ZAP70: variants seen among roughly 807,000 people sequenced by gnomAD.
ZAP70 encodes zeta chain of T cell receptor associated protein kinase 70.
In ZAP70, 27 loss-of-function variants were observed where a neutral mutation model predicts 65.8. That is an observed-to-expected ratio of 0.41 (90% CI 0.30 to 0.57). ZAP70 has a LOEUF of 0.57. ZAP70 is among the 20% of genes least tolerant of loss of function. The pLI, the probability that ZAP70 is intolerant of heterozygous loss-of-function variation, is 0.28. For missense variants in ZAP70, 696 were observed against 870.5 expected (o/e 0.80, Z 2.52); for synonymous variants, 363 against 360.8 (o/e 1.01, Z -0.07).
intron 2 of ZAP70, among the ~76,000 whole-genome samples, chr2:97,719,555 G>GGT (rs1204750585): frequency 6.7e-6 from 1 of 148,980 alleles, no homozygotes; most frequent in East Asian, 2.0e-4. Flanking sequence ...GAACAGCCTG[G>GGT]GGGGGGGGCG....
intron 1 of ZAP70, 99 bp from the exon 2 acceptor site, chr2:97,713,817 T>A (rs1019865597): frequency 2.1e-5 from 3 of 144,328 alleles, no homozygotes; most frequent in African/African-American, 7.3e-5. Context: ...CCCCGGGGTG[T>A]GTGCGGAGAG....
downstream of ZAP70, among the ~76,000 whole-genome samples, chr2:97,742,334 A>C (rs1187099167): frequency 6.6e-6 from 1 of 152,238 alleles, no homozygotes; most frequent in African/African-American, 2.4e-5. Flanking sequence ...ACAAATTAGC[A>C]TTTCTCTTGT....
intron 3 of ZAP70, 151 bp downstream of exon 3, chr2:97,724,589 A>T (rs1363965543): frequency 1.3e-6 from 2 of 1,533,910 alleles, no homozygotes; most frequent in Non-Finnish European, 1.7e-6. Context: ...TTGGGGAAGA[A>T]CCTGAAAGGA....
the ZAP70 span, among the ~76,000 whole-genome samples, chr2:97,748,829 A>G: frequency 6.6e-6 from 1 of 152,074 alleles, no homozygotes; most frequent in African/African-American, 2.4e-5. Context: ...TAGTTTCCAT[A>G]TATAGCTTCC....
intron 4 of ZAP70, among the ~76,000 whole-genome samples, chr2:97,730,671 G>A (rs1559323920): frequency 6.6e-6 from 1 of 152,192 alleles, no homozygotes; most frequent in East Asian, 1.9e-4. Context: ...GATGGGAAGA[G>A]CTCCCTAATA....
chr2:97,743,240 T>A (rs1678172346), downstream of ZAP70, among the ~76,000 whole-genome samples: 1 of 152,222 alleles, frequency 6.6e-6, no homozygotes, highest in Admixed American at 6.5e-5. Context: ...GCTCTCCACT[T>A]CCGCTTCTGT....
chr2:97,744,181 C>T (rs1678193992), downstream of ZAP70, among the ~76,000 whole-genome samples: 1 of 152,200 alleles, frequency 6.6e-6, no homozygotes, highest in African/African-American at 2.4e-5. Flanking sequence ...ACTCCCCGCT[C>T]CTCGGCAGGC....
In ZAP70 at chr2:97,732,895, G is replaced by A. The variant is rs56003474; in HGVS notation, c.576G>A (p.Arg192=). Residue 192 remains arginine, a synonymous_variant, in exon 5 of 14, where the codon CGG becomes CGA. Transcript: ENST00000264972. Reference sequence around the variant, plus strand: ...CTTCCCCTGCCAGGCTGAGGCCGCGGAAGGAGCAGGGCACATACGCCCTGT... The same window carrying A: ...CTTCCCCTGCCAGGCTGAGGCCGCGAAAGGAGCAGGGCACATACGCCCTGT... ...QTDGKFLLRP[R]KEQGTYALSL... 11 of 1,613,826 alleles carry A rather than the reference G, an allele frequency of 6.8e-6. No homozygotes were observed. In the East Asian group the frequency reaches 1.6e-4, roughly 23 times the overall value.
Position 97,733,550 on chromosome 2 carries a change from A to G in ZAP70, c.844A>G (p.Arg282Gly). ...CTGACCCTGTGGCCTTTAGCCTCAG[A>G]GACGAATCGACACCCTCAACTCAGA... is the stretch of plus-strand genomic sequence containing the variant. ...AHPSTLTHPQ[R>G]RIDTLNSDGY... is the part of the protein sequence containing the mutation. Residue 282 changes from arginine (R) to glycine (G), a missense_variant, in exon 8 of 14, where the codon AGA becomes GGA. Around this residue, in one of 3 missense-constraint regions of ZAP70, gnomAD observed 551 missense variants for 630.0 expected, o/e 0.87. Transcript: ENST00000264972. 4 of 1,613,650 alleles carry G rather than the reference A, an allele frequency of 2.5e-6. No homozygotes were observed. The highest frequency in any genetic ancestry group is 3.4e-6 in the Non-Finnish European group (4 of 1,179,986).
chr2:97,733,609 G>C lies in ZAP70; in HGVS notation c.889+14G>C, dbSNP rs201017686. ...CCCCTGAGCCAGGTGAGCGGGCAGA[G>C]GTGGGGACGCGGGTTGGGGCTCATG... On this transcript the variant is annotated intron_variant, in intron 8 of 13. Transcript: ENST00000264972. 2.2e-5 allele frequency: 36 copies of C among 1,613,420 alleles called. No individual in the cohort carries two copies. The highest frequency in any genetic ancestry group is 3.0e-5 in the Non-Finnish European group (35 of 1,179,988).
intron 10 of ZAP70, among the ~76,000 whole-genome samples, 197 bp downstream of exon 10, chr2:97,735,653 C>G (rs1677843767): frequency 6.6e-6 from 1 of 152,240 alleles, no homozygotes. Context: ...ACCATTGCAC[C>G]AGTGCGGTAA....
rs1054951685 is a variant in ZAP70 at position 97,737,249 on chromosome 2, T to TG, written c.1290-221dup. The stretch of plus-strand genomic sequence containing the variant: ...GTCTAGACTTGGGAGTCGTAGCGTG[T>TG]GGGTGATCCCTAAAGCCTTGAGACT... On this transcript the variant is annotated intron_variant, in intron 10 of 13. Coordinates refer to ENST00000264972, the MANE Select transcript of ZAP70 (RefSeq NM_001079.4). The surrounding 1 kb of genome is among the most constrained non-coding windows in gnomAD (Gnocchi z 5.0). Among the ~76,000 whole-genome samples the TG allele has an allele frequency of 6.6e-6, 1 of 152,134 alleles. No homozygotes were observed. The highest frequency in any genetic ancestry group is 2.4e-5 in the African/African-American group (1 of 41,414).
At chr2:97,733,670 G>A (rs1677717285) in intron 8 of ZAP70, 75 bp downstream of exon 8, 4 of 1,587,944 alleles carry the variant, frequency 2.5e-6, no homozygotes, top group Middle Eastern at 3.7e-4. Context: ...AGGGCTGTGG[G>A]GTTTCACGGG....
intron 2 of ZAP70, among the ~76,000 whole-genome samples, chr2:97,717,818 G>A (rs1428879750): frequency 6.6e-6 from 1 of 152,228 alleles, no homozygotes; most frequent in African/African-American, 2.4e-5. Flanking sequence ...TGGAACAGCT[G>A]TAATCTAGCA....
intron 2 of ZAP70, among the ~76,000 whole-genome samples, chr2:97,716,360 TA>T (rs1676914018): frequency 6.6e-6 from 1 of 152,118 alleles, no homozygotes. Context: ...GCCATGCTGG[TA>T]TAGGTAGGAG....
intron 8 of ZAP70, chr2:97,734,001 G>C (rs1677735392): frequency 3.2e-6 from 1 of 316,652 alleles, no homozygotes. Context: ...GGCAGTGGTA[G>C]AGGCGGGATG....
rs199619472 is a variant in ZAP70 at position 97,739,654 on chromosome 2, G to A, written c.*156G>A. ...AGGCCACACCGGCCTTGCATTGCCT[G>A]CCTGGCCCCCTGTCCTCTCTGGCTG... is the stretch of plus-strand genomic sequence containing the variant. On this transcript the variant is annotated 3_prime_UTR_variant, in exon 14 of 14. Coordinates refer to ENST00000264972, the MANE Select transcript of ZAP70 (RefSeq NM_001079.4). The A allele has an allele frequency of 4.1e-5, 49 of 1,201,428 alleles. No individual in the cohort carries two copies. Among genetic ancestry groups the A allele is most frequent in the Non-Finnish European group, 5.5e-5 (48 of 867,780 alleles). The allele number at this position is 1,201,428 out of a possible 1,614,324, so 74.4% of individuals were successfully genotyped here.
Position 97,724,406 on chromosome 2 carries a change from C to T in ZAP70, c.370C>T (p.Arg124Cys). 5 of 1,537,968 alleles carry T rather than the reference C, an allele frequency of 3.3e-6. No individual in the cohort carries two copies. The highest frequency in any genetic ancestry group is 4.4e-6 in the Non-Finnish European group (5 of 1,143,100). ...CGACTGCCTGCGAGACGCCATGGTG[C>T]GTGACTACGTGCGCCAGACGTGGAA... ...VFDCLRDAMV[R>C]DYVRQTWKLE... The change falls in exon 3 of 14, where the codon CGT becomes TGT. Residue 124 changes from arginine (R) to cysteine (C), a missense_variant. Physicochemically the swap from Arg to Cys is radical, Grantham distance 180. Around this residue, in one of 3 missense-constraint regions of ZAP70, gnomAD observed 551 missense variants for 630.0 expected, o/e 0.87. Transcript: ENST00000264972.
At chr2:97,741,024 G>A (rs767110885), downstream of ZAP70, among the ~76,000 whole-genome samples, 5 of 152,212 alleles carry the variant, frequency 3.3e-5, no homozygotes, top group Non-Finnish European at 5.9e-5. Flanking sequence ...TGAGAATGTG[G>A]CTGTCAAAAG....
Sources: gnomAD v4.1 joint callset for allele counts (sites outside exome capture counted in the v4.1 genomes callset) on GRCh38, gnomAD v4.1.1 for gene constraint, gnomAD v4.1.1 regional missense constraint, Gnocchi (gnomAD v3.1) non-coding constraint, MANE v1.5 for transcripts, NCBI Gene and HGNC (gene_info 2026-07-23, HGNC 2026-07-21) for gene names.